Variants in COL21A1 observed in about 807,000 individuals in gnomAD.
The protein encoded by COL21A1 is collagen alpha-1(XXI) chain.
In COL21A1, 149 loss-of-function variants were observed where a neutral mutation model predicts 137.9. The ratio of observed to expected loss-of-function variants is 1.08; its 90% CI spans 0.95 to 1.24. COL21A1 has a LOEUF of 1.24. COL21A1 is among the 50% of genes most tolerant of loss of function. The pLI, the probability that COL21A1 is intolerant of heterozygous loss-of-function variation, is 0.00. For synonymous variants in COL21A1, 456 were observed against 391.5 expected (o/e 1.16, Z -1.95); for missense variants, 1,167 against 1,158.4 (o/e 1.01, Z -0.11).
chr6:56,319,071 C>A, intron 1 of COL21A1, among the ~76,000 whole-genome samples: 1 of 150,110 alleles, frequency 6.7e-6, no homozygotes, highest in African/African-American at 2.5e-5. Context: ...TTTCCAGCAG[C>A]ACTTGACACA....
At chr6:56,312,444 T>C (rs1413108625) in intron 1 of COL21A1, among the ~76,000 whole-genome samples, 2 of 152,188 alleles carry the variant, frequency 1.3e-5, no homozygotes, top group Non-Finnish European at 2.9e-5. Context: ...TGGGAACATG[T>C]TGGTATTTCT....
intron 12 of COL21A1, 146 bp from the exon 13 acceptor site, chr6:56,126,295 T>G: frequency 7.0e-6 from 4 of 569,300 alleles, no homozygotes; most frequent in Non-Finnish European, 6.3e-6. Context: ...CAATTATCTC[T>G]ATGAAAAATT....
rs999546651 is a variant in COL21A1, at chr6:56,306,351, G to A, written c.-39+87620C>T. 2.2e-3 allele frequency among the ~76,000 whole-genome samples: 332 copies of A among 151,504 alleles called. 2 individuals are homozygous for A. Among genetic ancestry groups the A allele is most frequent in the African/African-American group, 7.6e-3 (313 of 41,320 alleles). ...TTTCCAATTTGGTTCCATTCTCCCC[G>A]TCACTTTCAGGTACACCGATCAGAC... On this transcript the variant is annotated intron_variant, in intron 1 of 28. Coordinates refer to the COL21A1 transcript ENST00000370819.
At chr6:56,333,590 C>T (rs919830483) in intron 1 of COL21A1, among the ~76,000 whole-genome samples, 1 of 152,120 alleles carries the variant, frequency 6.6e-6, no homozygotes, top group Non-Finnish European at 1.5e-5. Flanking sequence ...CTGCTATGAA[C>T]ATTCACGTGT....
intron 12 of COL21A1, among the ~76,000 whole-genome samples, chr6:56,134,358 G>A (rs1012092210): frequency 5.9e-5 from 9 of 152,098 alleles, no homozygotes; most frequent in African/African-American, 9.7e-5. Flanking sequence ...TCTCCCATTC[G>A]GAATGGGAGT....
chr6:56,062,033 T>A (rs957000966), intron 24 of COL21A1, among the ~76,000 whole-genome samples: 1 of 152,108 alleles, frequency 6.6e-6, no homozygotes, highest in African/African-American at 2.4e-5. Context: ...AAATATTAGG[T>A]ATATTTTTTC....
chr6:56,276,656 CT>C, intron 1 of COL21A1: 1 of 1,446,010 alleles, frequency 6.9e-7, no homozygotes, highest in Non-Finnish European at 9.7e-7. Context: ...ACACGTGTCA[CT>C]TTCAAAAGTC....
chr6:56,069,080 C>G lies in COL21A1; in HGVS notation c.2057G>C (p.Gly686Ala), dbSNP rs927609795. 2.5e-6 allele frequency: 4 copies of G among 1,600,124 alleles called. No individual in the cohort carries two copies. The highest frequency in any genetic ancestry group is 1.3e-5 in the African/African-American group (1 of 74,128). Reference sequence around the variant, plus strand: ...TTGAATCCCGGGTAAACCCATGTATCCTGGTTCTCCTGGGGAACCCGTTGC... The same window carrying G: ...TTGAATCCCGGGTAAACCCATGTATGCTGGTTCTCCTGGGGAACCCGTTGC... ...PGATGSPGEPGYMGLPGIQGK... is the reference protein window; with the variant it reads ...PGATGSPGEPAYMGLPGIQGK... The change falls in exon 22 of 30, where the codon GGA (glycine) becomes GCA (alanine). Residue 686 changes from glycine (G) to alanine (A), a missense_variant. Gly to Ala is a moderately conservative substitution (Grantham distance 60). Coordinates refer to ENST00000244728, the MANE Select transcript of COL21A1 (RefSeq NM_030820.4).
chr6:56,125,999 T>G, intron 13 of COL21A1, 97 bp downstream of exon 13: 1 of 682,228 alleles, frequency 1.5e-6, no homozygotes. Context: ...TAATTATATA[T>G]GAACATTTAT....
intron 2 of COL21A1, among the ~76,000 whole-genome samples, chr6:56,181,386 T>C (rs1280357029): frequency 2.0e-5 from 3 of 148,556 alleles, no homozygotes; most frequent in African/African-American, 7.7e-5. Context: ...GCTTTTATTG[T>C]TTTTTGTTTT....
chr6:56,297,340 T>C (rs1764186833), intron 1 of COL21A1, among the ~76,000 whole-genome samples: 1 of 152,090 alleles, frequency 6.6e-6, no homozygotes, highest in Non-Finnish European at 1.5e-5. Context: ...CCCTTCAAAT[T>C]ACTTCATTGT....
chr6:56,077,923 AATGAT>A, intron 17 of COL21A1: 1 of 368,730 alleles, frequency 2.7e-6, no homozygotes. Context: ...AAATCTGTTA[AATGAT>A]ATAAGTTCTG....
At chr6:56,132,511 G>A (rs1203253038) in intron 12 of COL21A1, among the ~76,000 whole-genome samples, 1 of 152,106 alleles carries the variant, frequency 6.6e-6, no homozygotes, top group African/African-American at 2.4e-5. Context: ...GATGTAGACA[G>A]GTCAATGAAA....
At chr6:56,373,563 C>G (rs1007442608) in intron 1 of COL21A1, among the ~76,000 whole-genome samples, 1 of 152,216 alleles carries the variant, frequency 6.6e-6, no homozygotes, top group African/African-American at 2.4e-5. Context: ...GATCGGGCCA[C>G]TGTATTCCAG....
chr6:56,158,254 TTTTTTTTTTTTC>T lies in COL21A1; in HGVS notation c.1372-1317_1372-1306del, dbSNP rs1263307600. On this transcript the variant is annotated intron_variant, in intron 9 of 29. Transcript: ENST00000244728. ...TAATTCTTCACTCGTGGGTTTTTTC[TTTTTTTTTTTTC>T]TTTTTTTTTTTTTTTTTTTTTTCTG... is the stretch of plus-strand genomic sequence containing the variant. Among the ~76,000 whole-genome samples the T allele has an allele frequency of 1.6e-3, 99 of 61,316 alleles. 1 individual carries two copies. Among genetic ancestry groups the T allele is most frequent in the African/African-American group, 5.9e-3 (88 of 14,840 alleles). 40.2% of individuals were successfully genotyped at this position (61,316 alleles called of 152,430 possible). A position where few individuals can be genotyped will look rare whatever the true frequency, so the allele number is the denominator to read the frequency against.
intron 1 of COL21A1, among the ~76,000 whole-genome samples, chr6:56,315,049 G>T (rs754758945): frequency 6.6e-6 from 1 of 152,208 alleles, no homozygotes; most frequent in Non-Finnish European, 1.5e-5. Context: ...TAAAGCCAGT[G>T]TAATAAATGC....
At chr6:56,372,907 A>G (rs1435681644) in intron 1 of COL21A1, among the ~76,000 whole-genome samples, 1 of 152,196 alleles carries the variant, frequency 6.6e-6, no homozygotes, top group African/African-American at 2.4e-5. Flanking sequence ...GTGCCCTCCC[A>G]GTATAAAAAC....
intron 1 of COL21A1, among the ~76,000 whole-genome samples, chr6:56,225,406 C>A (rs1291850692): frequency 6.6e-6 from 1 of 152,044 alleles, no homozygotes; most frequent in African/African-American, 2.4e-5. Flanking sequence ...CTACTACTCA[C>A]TCCTCAGTAA....
chr6:56,301,093 A>AGAATAGCTACAATGGTTTGGTT (rs1764269140), intron 1 of COL21A1, among the ~76,000 whole-genome samples: 1 of 151,984 alleles, frequency 6.6e-6, no homozygotes, highest in Non-Finnish European at 1.5e-5. Context: ...ATGGTTTGGT[A>AGAATAGCTACAATGGTTTGGTT]AGCAGAATAA....
Sources: allele counts gnomAD v4.1 joint callset (sites outside exome capture counted in the v4.1 genomes callset), GRCh38; gene constraint gnomAD v4.1.1; transcripts MANE v1.5; gene names NCBI Gene and HGNC (gene_info 2026-07-23, HGNC 2026-07-21).